The following CD9 variants were observed in gnomAD, a reference collection of about 807,000 sequenced individuals.
The protein encoded by CD9 is CD9 molecule, also known as CD9 antigen.
A neutral mutation model predicts 31.4 loss-of-function variants in CD9; 10 were observed. The observed-to-expected ratio is 0.32, with a 90% CI of 0.20 to 0.54. CD9 has a LOEUF of 0.54. CD9 is among the 20% of genes least tolerant of loss of function. The probability of loss-of-function intolerance (pLI) is 0.94; values close to 1 mark genes in which losing one functional copy is unlikely to be tolerated. For synonymous variants in CD9, 113 were observed against 114.1 expected (o/e 0.99, Z 0.06); for missense variants, 259 against 300.1 (o/e 0.86, Z 1.01).
intron 1 of CD9, among the ~76,000 whole-genome samples, chr12:6,211,010 A>C (rs1946188453): frequency 6.6e-6 from 1 of 151,438 alleles, no homozygotes; most frequent in Non-Finnish European, 1.5e-5. Flanking sequence ...CTATTTTTTT[A>C]TATTTTTAGT....
intron 1 of CD9, among the ~76,000 whole-genome samples, chr12:6,204,829 G>A (rs181137260): frequency 2.4e-3 from 358 of 152,280 alleles, no homozygotes; most frequent in Non-Finnish European, 3.7e-3. Flanking sequence ...AGTCTAAACC[G>A]CAGATGTGGC....
Position 6,237,761 on chromosome 12 carries a change from A to G in CD9, c.622-2A>G. The G allele has an allele frequency of 6.2e-7, 1 of 1,610,602 alleles. No individual in the cohort carries two copies. Among genetic ancestry groups the G allele is most frequent in the South Asian group, 1.1e-5 (1 of 90,972 alleles). On this transcript the variant is annotated splice_acceptor_variant, in intron 7 of 7. Transcript: ENST00000009180. LOFTEE classifies it high-confidence loss of function. Reference sequence around the variant, plus strand: ...ATCCTCATGTTTCTTCCTATCTCCTAGATATTTGGCATGATCTTCAGTATG... The same window carrying G: ...ATCCTCATGTTTCTTCCTATCTCCTGGATATTTGGCATGATCTTCAGTATG...
chr12:6,236,143 C>G (rs946873838), intron 6 of CD9, 49 bp from the exon 7 acceptor site: 4 of 1,608,960 alleles, frequency 2.5e-6, no homozygotes, highest in Non-Finnish European at 3.4e-6. Flanking sequence ...AGGAGGTGCC[C>G]TGGGAGGAAG....
intron 2 of CD9, among the ~76,000 whole-genome samples, chr12:6,230,940 C>T (rs111225866): frequency 1.3e-5 from 2 of 152,204 alleles, no homozygotes; most frequent in Non-Finnish European, 2.9e-5. Flanking sequence ...GTGCATTCTG[C>T]TCTGTGCTGC....
At chr12:6,204,803 C>T (rs1385752917) in intron 1 of CD9, among the ~76,000 whole-genome samples, 2 of 152,182 alleles carry the variant, frequency 1.3e-5, no homozygotes, top group Non-Finnish European at 2.9e-5. Context: ...GAGAGCAGTT[C>T]TCTAAGAAGT....
rs1946471152 is a variant in CD9, at chr12:6,233,093, A to T, written c.274-319A>T. ...TGGATTCGCTCCCTTTACTTGCCCA[A>T]ATCTCTTGTCTTTTGTGAACAATAG... On this transcript the variant is annotated intron_variant, in intron 3 of 7. Transcript: ENST00000009180. 8.6e-6 allele frequency: 6 copies of T among 701,170 alleles called. No individual in the cohort carries two copies. The African/African-American group carries it at 1.1e-4, about 12-fold the overall frequency. The allele number at this position is 701,170 out of a possible 1,614,324, so 43.4% of individuals were successfully genotyped here.
At chr12:6,224,111 C>T (rs1015092951) in intron 1 of CD9, among the ~76,000 whole-genome samples, 1 of 152,120 alleles carries the variant, frequency 6.6e-6, no homozygotes, top group Non-Finnish European at 1.5e-5. Flanking sequence ...GAGTGCAGGG[C>T]TGGTGGGGCT....
intron 4 of CD9, 147 bp downstream of exon 4, chr12:6,233,633 A>G: frequency 3.0e-6 from 2 of 662,676 alleles, no homozygotes; most frequent in Non-Finnish European, 5.4e-6. Context: ...GTGCCAGCGA[A>G]TGTGCCCTCC....
Position 6,217,093 on chromosome 12 carries a change from C to T in CD9, c.67-8333C>T, listed in dbSNP as rs560342771. ...GGAAAGTGTGTAGTGTCAGAGAGCT[C>T]CTAGGTAGCAGTGCCAGAATTAGAG... is the stretch of plus-strand genomic sequence containing the variant. On this transcript the variant is annotated intron_variant, in intron 1 of 7. Coordinates refer to ENST00000009180, the MANE Select transcript of CD9 (RefSeq NM_001769.4). Among the ~76,000 whole-genome samples, 4 of 152,214 alleles carry T rather than the reference C, an allele frequency of 2.6e-5. No individual in the cohort carries two copies. In the South Asian group the frequency reaches 8.3e-4, roughly 32 times the overall value.
intron 1 of CD9, among the ~76,000 whole-genome samples, chr12:6,213,694 A>G (rs1946215112): frequency 6.6e-6 from 1 of 152,174 alleles, no homozygotes; most frequent in African/African-American, 2.4e-5. Context: ...AGCCACGGTC[A>G]CCATTGCTTG....
rs756350694 is a variant in CD9 at position 6,233,439 on chromosome 12, G to A, written c.301G>A (p.Ala101Thr). The A allele has an allele frequency of 7.4e-6, 12 of 1,614,016 alleles. No homozygotes were observed. Among genetic ancestry groups the A allele is most frequent in the Admixed American group, 3.3e-5 (2 of 60,008 alleles). ...LFFGFLLVIF[A>T]IEIAAAIWGY... The stretch of plus-strand genomic sequence containing the variant: ...CTTCGGCTTCCTCTTGGTGATATTC[G>A]CCATTGAAATAGCTGCGGCCATCTG... Residue 101 changes from alanine (A) to threonine (T), a missense_variant, in exon 4 of 8, where the codon GCC becomes ACC. Coordinates refer to ENST00000009180, the MANE Select transcript of CD9 (RefSeq NM_001769.4).
intron 3 of CD9, 129 bp from the exon 4 acceptor site, chr12:6,233,283 G>A (rs1345826618): frequency 3.0e-4 from 210 of 709,232 alleles, no homozygotes; most frequent in Non-Finnish European, 2.8e-5. Flanking sequence ...CCCCTGCTAG[G>A]CTATTCATTT....
chr12:6,219,854 A>G (rs1946275947), intron 1 of CD9, among the ~76,000 whole-genome samples: 2 of 152,250 alleles, frequency 1.3e-5, no homozygotes, highest in South Asian at 2.1e-4. Flanking sequence ...TGGGAAAGGA[A>G]GCTGGTCCAA....
At chr12:6,229,171 C>G (rs1005363027) in intron 2 of CD9, among the ~76,000 whole-genome samples, 8 of 152,234 alleles carry the variant, frequency 5.3e-5, no homozygotes, top group African/African-American at 1.9e-4. Flanking sequence ...CCTTTCCCAG[C>G]TCCCTGGTGT....
intron 2 of CD9, among the ~76,000 whole-genome samples, chr12:6,228,318 G>GAGGC (rs1946395541): frequency 6.6e-6 from 1 of 152,116 alleles, no homozygotes; most frequent in South Asian, 2.1e-4. Flanking sequence ...TTGGGAGGCC[G>GAGGC]AGGCAGGCAG....
At position 6,237,721 on chromosome 12, in the gene CD9, G is replaced by C. The variant is rs11568275; in HGVS notation, c.622-42G>C. On this transcript the variant is annotated intron_variant, in intron 7 of 7. Transcript: ENST00000009180. ...CTCCCTTTCCCTCAGCCTTCCTTCA[G>C]ATCAAACCACCCTGATCCTCATGTT... The C allele has an allele frequency of 5.5e-3, 8,257 of 1,511,130 alleles. 333 individuals carry two copies. In the African/African-American group the frequency reaches 0.093, roughly 17 times the overall value. The allele number at this position is 1,511,130 out of a possible 1,614,324, so 93.6% of individuals were successfully genotyped here. A position where few individuals can be genotyped will look rare whatever the true frequency, so the allele number is the denominator to read the frequency against.
At position 6,200,518 on chromosome 12, in the gene CD9, A is replaced by AC; in HGVS notation, c.21dup (p.Lys8GlnfsTer11). 6.2e-7 allele frequency: 1 copy of AC among 1,611,336 alleles called. No individual in the cohort carries two copies. ...CCTCACCATGCCGGTCAAAGGAGGC[A>AC]CCAAGTGCATCAAATACCTGCTGTT... is the stretch of plus-strand genomic sequence containing the variant. On this transcript the variant is annotated frameshift_variant, in exon 1 of 8. Coordinates refer to ENST00000009180, the MANE Select transcript of CD9 (RefSeq NM_001769.4). LOFTEE classifies it high-confidence loss of function.
At chr12:6,220,924 C>T (rs1279621890) in intron 1 of CD9, among the ~76,000 whole-genome samples, 3 of 152,196 alleles carry the variant, frequency 2.0e-5, no homozygotes, top group South Asian at 4.1e-4. Flanking sequence ...TTTCATGTAA[C>T]GTCCTATTTC....
At chr12:6,216,802 C>T (rs1946247705) in intron 1 of CD9, among the ~76,000 whole-genome samples, 1 of 152,194 alleles carries the variant, frequency 6.6e-6, no homozygotes, top group Non-Finnish European at 1.5e-5. Context: ...CACCCAGCCG[C>T]CTTCTCCGAT....
Sources: gnomAD v4.1 joint callset for allele counts (sites outside exome capture counted in the v4.1 genomes callset) on GRCh38, gnomAD v4.1.1 for gene constraint, MANE v1.5 for transcripts, NCBI Gene and HGNC (gene_info 2026-07-23, HGNC 2026-07-21) for gene names.